Variants in BYSL observed in about 807,000 individuals in gnomAD.
BYSL encodes the protein bystin like, also known as bystin.
In BYSL, 21 loss-of-function variants were observed where a neutral mutation model predicts 45.4. The ratio of observed to expected loss-of-function variants is 0.46; its 90% CI spans 0.33 to 0.67. The LOEUF is 0.67. BYSL is among the 30% of genes least tolerant of loss of function. BYSL has a pLI of 0.02. For missense variants in BYSL, 522 were observed against 578.5 expected, an observed-to-expected ratio of 0.90 and a Z score of 1.00; for synonymous variants, 215 against 231.3, an observed-to-expected ratio of 0.93 and a Z score of 0.64.
chr6:41,913,964 C>G, the BYSL span, among the ~76,000 whole-genome samples: 1 of 152,152 alleles, frequency 6.6e-6, no homozygotes, highest in African/African-American at 2.4e-5. Context: ...CTTAGCACAA[C>G]ATGAGGAGAG....
At chr6:41,915,355 A>C in the BYSL span, among the ~76,000 whole-genome samples, 9 of 152,150 alleles carry the variant, frequency 5.9e-5, no homozygotes, top group Admixed American at 2.0e-4. Context: ...TCAGCCAGGC[A>C]TGGTGGCACA....
chr6:41,921,873 G>A, intron 1 of BYSL, 43 bp downstream of exon 1: 2 of 1,565,992 alleles, frequency 1.3e-6, no homozygotes, highest in African/African-American at 1.4e-5. Context: ...GTGGCCAGTA[G>A]TGGGGCGGGG....
the BYSL span, chr6:41,909,662 T>C: frequency 5.5e-6 from 7 of 1,269,150 alleles, no homozygotes; most frequent in South Asian, 1.0e-4. Context: ...GTGAGGGGAA[T>C]CCTCTCACTG....
intron 4 of BYSL, 134 bp downstream of exon 4, chr6:41,930,902 A>C: frequency 7.9e-7 from 1 of 1,268,860 alleles, no homozygotes. Flanking sequence ...ACTTTATAGC[A>C]TCATTTTTCT....
chr6:41,931,392 C>G lies in BYSL; in HGVS notation c.705-4C>G. Reference sequence around the variant, plus strand: ...GGAAACTTCCCCCGCTTAACTCCCACTAGGATTTTTGCCTCTAACCTGAAG... The same window carrying G: ...GGAAACTTCCCCCGCTTAACTCCCAGTAGGATTTTTGCCTCTAACCTGAAG... On this transcript the variant is annotated splice_polypyrimidine_tract_variant and splice_region_variant and intron_variant, in intron 4 of 6. Transcript: ENST00000230340. 1 of 1,614,120 alleles carries G rather than the reference C, an allele frequency of 6.2e-7. No homozygotes were observed. The highest frequency in any genetic ancestry group is 8.5e-7 in the Non-Finnish European group (1 of 1,179,984).
intron 1 of BYSL, among the ~76,000 whole-genome samples, chr6:41,924,045 C>A (rs1225926846): frequency 1.3e-5 from 2 of 151,636 alleles, no homozygotes; most frequent in Non-Finnish European, 2.9e-5. Flanking sequence ...TCTGCCCTAT[C>A]TTTTTTTCAT....
In BYSL at chr6:41,930,719, G is replaced by A. The variant is rs745777236; in HGVS notation, c.655G>A (p.Val219Ile). 15 of 1,613,912 alleles carry A rather than the reference G, an allele frequency of 9.3e-6. No individual in the cohort carries two copies. The highest frequency in any genetic ancestry group is 4.0e-5 in the African/African-American group (3 of 74,920). Residue 219 changes from valine to isoleucine, a missense_variant, in exon 4 of 7, where the codon GTC (valine) becomes ATC (isoleucine). Val to Ile is a conservative substitution (Grantham distance 29, BLOSUM62 3). Coordinates refer to ENST00000230340, the MANE Select transcript of BYSL (RefSeq NM_004053.4). ...CTCCAACTGGGAGCAAATCCTCTAC[G>A]TCACAGAGCCGGAGGCCTGGACTGC... ...ALSNWEQILY[V>I]TEPEAWTAAA...
At chr6:41,916,618 C>T (rs1345716429), upstream of BYSL, among the ~76,000 whole-genome samples, 2 of 152,040 alleles carry the variant, frequency 1.3e-5, no homozygotes, top group Non-Finnish European at 2.9e-5. Flanking sequence ...CTTTCAAAGG[C>T]CCTATTCTAA....
Position 41,932,604 on chromosome 6 carries a change from G to T in BYSL, c.1212G>T (p.Leu404=), listed in dbSNP as rs1775656975. ...ATDQKEALLE[L]LRLQPHPQLS... ...ACCAGAAAGAGGCCCTCTTAGAACTGCTCCGGCTGCAGCCCCATCCACAGC... is the reference window on the plus strand; with the variant it reads ...ACCAGAAAGAGGCCCTCTTAGAACTTCTCCGGCTGCAGCCCCATCCACAGC... The change falls in exon 7 of 7, where the codon CTG becomes CTT. Residue 404 remains leucine (L), a synonymous_variant. Coordinates refer to ENST00000230340, the MANE Select transcript of BYSL (RefSeq NM_004053.4). This position sits in a 1 kb window ranked among gnomAD's most constrained non-coding sequence, Gnocchi z 4.7. The T allele has an allele frequency of 6.2e-7, 1 of 1,614,070 alleles. No individual in the cohort carries two copies. Among genetic ancestry groups the T allele is most frequent in the African/African-American group, 1.3e-5 (1 of 74,926 alleles).
chr6:41,932,716 T>C lies in BYSL; in HGVS notation c.*10T>C. On this transcript the variant is annotated 3_prime_UTR_variant, in exon 7 of 7. Transcript: ENST00000230340. The surrounding 1 kb of genome is among the most constrained non-coding windows in gnomAD (Gnocchi z 4.7). The stretch of plus-strand genomic sequence containing the variant: ...CATCACCGTGGAGTGAGGAAAACAG[T>C]CAGCTGTCCTGGCCAAAGGGGTTTG... 6.3e-7 allele frequency: 1 copy of C among 1,597,378 alleles called. No homozygotes were observed. Among genetic ancestry groups the C allele is most frequent in the East Asian group, 2.2e-5 (1 of 44,632 alleles).
At chr6:41,931,585 G>A (rs1775640427) in intron 5 of BYSL, 29 bp downstream of exon 5, 1 of 1,613,968 alleles carries the variant, frequency 6.2e-7, no homozygotes, top group Non-Finnish European at 8.5e-7. Flanking sequence ...GGAAGAAAGG[G>A]AAGGGCTGGA....
At chr6:41,919,301 G>A (rs1437151311), upstream of BYSL, among the ~76,000 whole-genome samples, 1 of 152,080 alleles carries the variant, frequency 6.6e-6, no homozygotes, top group African/African-American at 2.4e-5. Context: ...TAAGGATGTA[G>A]TGCCTGTTAA....
chr6:41,909,040 A>T, the BYSL span: 1 of 531,298 alleles, frequency 1.9e-6, no homozygotes, highest in Non-Finnish European at 3.2e-6. Flanking sequence ...AAAAAATTTA[A>T]TTCGGTGGGT....
chr6:41,925,920 A>T (rs1775558046), intron 1 of BYSL, among the ~76,000 whole-genome samples: 1 of 146,400 alleles, frequency 6.8e-6, no homozygotes, highest in Non-Finnish European at 1.5e-5. Flanking sequence ...TCCCAATCTC[A>T]TGATCCACCC....
the BYSL span, among the ~76,000 whole-genome samples, chr6:41,915,483 ACT>A: frequency 6.8e-6 from 1 of 148,040 alleles, no homozygotes; most frequent in Admixed American, 6.7e-5. Context: ...ACAGAGCAAG[ACT>A]CTATCTCTTA....
chr6:41,921,976 GCC>G, intron 1 of BYSL, 146 bp downstream of exon 1: 1 of 1,251,110 alleles, frequency 8.0e-7, no homozygotes, highest in Middle Eastern at 2.8e-4. Context: ...CCTGTCTAGA[GCC>G]CTCCGCGTCC....
chr6:41,909,750 C>T, the BYSL span, among the ~76,000 whole-genome samples: 12 of 152,206 alleles, frequency 7.9e-5, no homozygotes, highest in Admixed American at 2.6e-4. Flanking sequence ...CTACAGAAAA[C>T]AGTGAGGGGC....
At chr6:41,915,492 C>A in the BYSL span, among the ~76,000 whole-genome samples, 322 of 139,028 alleles carry the variant, frequency 2.3e-3, 4 homozygotes, top group East Asian at 0.064. Context: ...GACTCTATCT[C>A]TTAAAAACAC....
chr6:41,917,574 C>T (rs570924254), upstream of BYSL: 2 of 345,108 alleles, frequency 5.8e-6, no homozygotes, highest in East Asian at 7.6e-5. Flanking sequence ...CTGAGAGCCC[C>T]TCTAAGAACT....
Sources: gnomAD v4.1 joint callset for allele counts (sites outside exome capture counted in the v4.1 genomes callset) on GRCh38, gnomAD v4.1.1 for gene constraint, Gnocchi (gnomAD v3.1) non-coding constraint, MANE v1.5 for transcripts, NCBI Gene and HGNC (gene_info 2026-07-23, HGNC 2026-07-21) for gene names.